The following ANKRD31 variants were observed in gnomAD, a reference collection of about 807,000 sequenced individuals.
ANKRD31 encodes ankyrin repeat domain 31.
In ANKRD31, 147 loss-of-function variants were observed where a neutral mutation model predicts 186.0. The observed-to-expected ratio is 0.79, with a 90% confidence interval of 0.69 to 0.91. The LOEUF (loss-of-function observed/expected upper bound fraction) is 0.91. Ranked by LOEUF, ANKRD31 falls within the 40% of genes least tolerant of loss-of-function variation. The pLI, the probability that ANKRD31 is intolerant of heterozygous loss-of-function variation, is 0.00. For synonymous variants in ANKRD31, 673 were observed against 736.4 expected, an observed-to-expected ratio of 0.91 and a Z score of 1.39; for missense variants, 1,986 against 2,148.8, an observed-to-expected ratio of 0.92 and a Z score of 1.50.
At position 75,091,328 on chromosome 5, in the gene ANKRD31, G is replaced by A. The variant is rs1470622015; in HGVS notation, c.5405C>T (p.Pro1802Leu). Residue 1802 changes from proline to leucine, a missense_variant, in exon 23 of 26, where the codon CCA becomes CTA. Pro to Leu is a moderately conservative substitution (Grantham distance 98). Transcript: ENST00000506364. Reference sequence around the variant, plus strand: ...CAGAAGATCCTTGAGCCAGGTGACTGGGTTTTTATAAATCTGACCACTTTC... The same window carrying A: ...CAGAAGATCCTTGAGCCAGGTGACTAGGTTTTTATAAATCTGACCACTTTC... The part of the protein sequence containing the change: ...KVESGQIYKN[P>L]VTWLKDLLGG... 6.5e-7 allele frequency: 1 copy of A among 1,537,052 alleles called. No individual in the cohort carries two copies. Among genetic ancestry groups the A allele is most frequent in the Non-Finnish European group, 8.7e-7 (1 of 1,146,830 alleles).
intron 18 of ANKRD31, among the ~76,000 whole-genome samples, chr5:75,117,683 T>C (rs547554637): frequency 6.6e-6 from 1 of 152,242 alleles, no homozygotes; most frequent in Admixed American, 6.5e-5. Flanking sequence ...CTTAATAAAA[T>C]ATAAAGTATT....
chr5:75,175,145 C>T (rs910351269), intron 10 of ANKRD31, among the ~76,000 whole-genome samples: 7 of 152,282 alleles, frequency 4.6e-5, no homozygotes, highest in Non-Finnish European at 7.3e-5. Flanking sequence ...AACCAAACAC[C>T]GCATGTTCTC....
chr5:75,181,041 A>T (rs905619919), intron 10 of ANKRD31, among the ~76,000 whole-genome samples: 10 of 152,010 alleles, frequency 6.6e-5, no homozygotes, highest in Non-Finnish European at 1.2e-4. Context: ...TACAAAAAAA[A>T]AAAACAAGCA....
In ANKRD31 at chr5:75,170,040, G is replaced by A. The variant is rs186850043; in HGVS notation, c.1565-919C>T. ...TATTACTGAGTTTTGACGAAGAAAT[G>A]AAGAGACCCCAAAATGGTAAATATA... On this transcript the variant is annotated intron_variant, in intron 10 of 25. Transcript: ENST00000506364. 1.6e-4 allele frequency among the ~76,000 whole-genome samples: 25 copies of A among 152,220 alleles called. No homozygotes were observed. The East Asian group carries it at 4.8e-3, about 29-fold the overall frequency.
chr5:75,226,916 A>G (rs1049028232), intron 2 of ANKRD31, among the ~76,000 whole-genome samples: 1 of 152,160 alleles, frequency 6.6e-6, no homozygotes, highest in Non-Finnish European at 1.5e-5. Context: ...TCCCACTCCT[A>G]GGTATTTGGG....
intron 9 of ANKRD31, among the ~76,000 whole-genome samples, chr5:75,192,451 T>C (rs1434409765): frequency 6.6e-6 from 1 of 152,154 alleles, no homozygotes; most frequent in Non-Finnish European, 1.5e-5. Flanking sequence ...AAAGCAGAAC[T>C]ACAGAAAAAA....
intron 22 of ANKRD31, among the ~76,000 whole-genome samples, chr5:75,094,337 C>T (rs1005851266): frequency 3.3e-5 from 5 of 152,008 alleles, no homozygotes; most frequent in Non-Finnish European, 5.9e-5. Context: ...ATTATATCAA[C>T]GTATTGTTGG....
intron 9 of ANKRD31, among the ~76,000 whole-genome samples, chr5:75,191,762 C>G (rs867183712): frequency 6.6e-6 from 1 of 151,848 alleles, no homozygotes; most frequent in African/African-American, 2.4e-5. Context: ...AAGTATGATA[C>G]GTTTCTTATT....
intron 23 of ANKRD31, among the ~76,000 whole-genome samples, chr5:75,088,662 T>C (rs535524905): frequency 6.6e-6 from 1 of 152,302 alleles, no homozygotes; most frequent in East Asian, 1.9e-4. Flanking sequence ...CCTTCATAAA[T>C]ACAGAAAAGA....
chr5:75,139,510 GGA>G (rs1457252838), intron 15 of ANKRD31, among the ~76,000 whole-genome samples: 1 of 152,082 alleles, frequency 6.6e-6, no homozygotes, highest in South Asian at 2.1e-4. Flanking sequence ...GACTTAAGTT[GGA>G]ACTAAAAGTA....
intron 17 of ANKRD31, among the ~76,000 whole-genome samples, chr5:75,122,353 A>T (rs1330244465): frequency 6.6e-6 from 1 of 152,084 alleles, no homozygotes; most frequent in Non-Finnish European, 1.5e-5. Context: ...CATACAAAGA[A>T]GAACTGGTAC....
At position 75,151,836 on chromosome 5, in the gene ANKRD31, T is replaced by C. The variant is rs561319063; in HGVS notation, c.1852+2365A>G. Among the ~76,000 whole-genome samples, 5 of 152,190 alleles carry C rather than the reference T, an allele frequency of 3.3e-5. No homozygotes were observed. In the South Asian group the frequency reaches 1.0e-3, roughly 32 times the overall value. ...CATGAAGGAGCCTGGGTTATGTGTC[T>C]TTTTTATGTACTCTCATAGGGCCTG... On this transcript the variant is annotated intron_variant, in intron 12 of 25. Coordinates refer to ENST00000506364, the MANE Select transcript of ANKRD31 (RefSeq NM_001372053.1).
rs1208004244 is a variant in ANKRD31, at chr5:75,105,143, A to C, written c.4416T>G (p.Leu1472=). The C allele has an allele frequency of 6.5e-7, 1 of 1,536,914 alleles. No homozygotes were observed. The highest frequency in any genetic ancestry group is 2.4e-5 in the East Asian group (1 of 40,886). Residue 1472 remains leucine (L), a synonymous_variant, in exon 22 of 26, where the codon CTT becomes CTG. Transcript: ENST00000506364. ...LANLAARQKS[L]LVVAKKQKKI... ...TTTTCTGTTTTTTTGCCACAACTAAAAGGCTCTTCTGTCTTGCAGCCAAGT... is the reference window on the plus strand; with the variant it reads ...TTTTCTGTTTTTTTGCCACAACTAACAGGCTCTTCTGTCTTGCAGCCAAGT...
rs1319747102 is a variant in ANKRD31, at chr5:75,146,266, T to C, written c.3145A>G (p.Thr1049Ala). ...ATCTTTTCCACAATATGTGTATCTGTTTGATTCATTAAAAAAGTTGGTGCT... is the reference window on the plus strand; with the variant it reads ...ATCTTTTCCACAATATGTGTATCTGCTTGATTCATTAAAAAAGTTGGTGCT... ...PRAPTFLMNQ[T>A]DTHIVEKMAK... is the part of the protein sequence containing the mutation. The change falls in exon 14 of 26, where the codon ACA becomes GCA. Residue 1049 changes from threonine to alanine, a missense_variant. Transcript: ENST00000506364. 6.5e-7 allele frequency: 1 copy of C among 1,536,526 alleles called. No homozygotes were observed. Among genetic ancestry groups the C allele is most frequent in the Admixed American group, 2.0e-5 (1 of 50,942 alleles).
chr5:75,158,372 T>A (rs1034516212), intron 11 of ANKRD31, among the ~76,000 whole-genome samples: 1 of 152,182 alleles, frequency 6.6e-6, no homozygotes, highest in Non-Finnish European at 1.5e-5. Flanking sequence ...GTCACAAGAC[T>A]GCACACTGTG....
intron 3 of ANKRD31, among the ~76,000 whole-genome samples, chr5:75,215,826 A>G (rs1756927139): frequency 6.6e-6 from 1 of 152,090 alleles, no homozygotes; most frequent in Non-Finnish European, 1.5e-5. Context: ...AACAAATTAA[A>G]AAAAAAACTC....
At chr5:75,222,607 C>G (rs753834056) in intron 2 of ANKRD31, among the ~76,000 whole-genome samples, 4 of 152,098 alleles carry the variant, frequency 2.6e-5, no homozygotes, top group Non-Finnish European at 5.9e-5. Context: ...CCCTCACCCC[C>G]CAACCCCCAA....
At chr5:75,084,251 T>G in intron 24 of ANKRD31, 21 bp downstream of exon 24, 47 of 1,498,534 alleles carry the variant, frequency 3.1e-5, no homozygotes, top group Non-Finnish European at 4.0e-5. Context: ...AACGAAGAAA[T>G]GAGTGTTGTT....
chr5:75,144,640 C>T (rs888934242), intron 14 of ANKRD31, among the ~76,000 whole-genome samples: 2 of 152,036 alleles, frequency 1.3e-5, no homozygotes, highest in African/African-American at 2.4e-5. Context: ...ACCATAAAAA[C>T]CCTAGAAGAA....
Sources: gnomAD v4.1 joint callset for allele counts (sites outside exome capture counted in the v4.1 genomes callset) on GRCh38, gnomAD v4.1.1 for gene constraint, MANE v1.5 for transcripts, NCBI Gene and HGNC (gene_info 2026-07-23, HGNC 2026-07-21) for gene names.